ZNF804B: variants seen among roughly 807,000 people sequenced by gnomAD.
ZNF804B encodes zinc finger 804B.
Under a neutral mutation model 101.4 loss-of-function variants are expected in ZNF804B, and 80 were observed. The observed-to-expected ratio is 0.79, with a 90% CI of 0.66 to 0.95. ZNF804B has a LOEUF of 0.95. ZNF804B is among the 40% of genes least tolerant of loss of function. The pLI, the probability that ZNF804B is intolerant of heterozygous loss-of-function variation, is 0.00. For missense variants in ZNF804B, 1,673 were observed against 1,561.9 expected, an observed-to-expected ratio of 1.07 and a Z score of -1.20; for synonymous variants, 622 against 558.8, an observed-to-expected ratio of 1.11 and a Z score of -1.59.
chr7:89,332,847 G>T (rs1204180131), intron 3 of ZNF804B, among the ~76,000 whole-genome samples: 9 of 151,720 alleles, frequency 5.9e-5, no homozygotes, highest in Non-Finnish European at 1.3e-4. Context: ...CATAAAGAAA[G>T]AACTTACCAC....
At chr7:89,027,618 CCT>C (rs1170061994) in intron 1 of ZNF804B, among the ~76,000 whole-genome samples, 1 of 152,088 alleles carries the variant, frequency 6.6e-6, no homozygotes. Context: ...TCTCGCTCTC[CCT>C]CTCTCATTAT....
chr7:89,318,706 G>A (rs1412716343), intron 2 of ZNF804B, among the ~76,000 whole-genome samples: 1 of 152,162 alleles, frequency 6.6e-6, no homozygotes, highest in Non-Finnish European at 1.5e-5. Context: ...AGGTTGCAGT[G>A]ACCTGAGATG....
At chr7:89,023,789 T>C (rs1488565929) in intron 1 of ZNF804B, among the ~76,000 whole-genome samples, 2 of 152,220 alleles carry the variant, frequency 1.3e-5, no homozygotes, top group Non-Finnish European at 2.9e-5. Flanking sequence ...CTATTTTAGC[T>C]GCTCTTTCCT....
At chr7:89,148,340 A>G (rs12672675) in intron 1 of ZNF804B, among the ~76,000 whole-genome samples, 18,796 of 152,064 alleles carry the variant, frequency 0.12, 1,414 homozygotes, top group South Asian at 0.24. Context: ...TACTAGTGAA[A>G]GTGTTTGCAG....
chr7:89,094,575 T>C (rs1789942683), intron 1 of ZNF804B, among the ~76,000 whole-genome samples: 1 of 152,274 alleles, frequency 6.6e-6, no homozygotes, highest in Admixed American at 6.5e-5. Context: ...TTTTAATACG[T>C]TAGTCGCTGA....
chr7:88,773,418 A>T (rs1413223759), intron 1 of ZNF804B, among the ~76,000 whole-genome samples: 3 of 146,680 alleles, frequency 2.0e-5, no homozygotes, highest in African/African-American at 2.6e-5. Flanking sequence ...TCATTCTGTC[A>T]GTCAGTCAAT....
At chr7:88,923,148 TTG>T (rs1792749316) in intron 1 of ZNF804B, among the ~76,000 whole-genome samples, 1 of 152,044 alleles carries the variant, frequency 6.6e-6, no homozygotes, top group Non-Finnish European at 1.5e-5. Context: ...TGGTATGGCA[TTG>T]TGTGTGACGT....
chr7:89,282,364 T>A (rs1034849978), intron 2 of ZNF804B, among the ~76,000 whole-genome samples: 1 of 152,048 alleles, frequency 6.6e-6, no homozygotes, highest in Non-Finnish European at 1.5e-5. Context: ...GGCTAATTAC[T>A]ACCTAAGACA....
intron 1 of ZNF804B, among the ~76,000 whole-genome samples, chr7:88,838,391 A>G (rs1253952698): frequency 6.6e-6 from 1 of 151,916 alleles, no homozygotes; most frequent in Non-Finnish European, 1.5e-5. Context: ...TTATTCTGCT[A>G]AGTGTTTTGT....
In ZNF804B at chr7:89,075,020, T is replaced by C. The variant is rs575373518; in HGVS notation, c.109-143135T>C. ...GATTTAGGGTATCTGGCAGAAAAAATTTCTAAGCAGCAAAGCATTCAATAG... is the reference window on the plus strand; with the variant it reads ...GATTTAGGGTATCTGGCAGAAAAAACTTCTAAGCAGCAAAGCATTCAATAG... On this transcript the variant is annotated intron_variant, in intron 1 of 3. Coordinates refer to ENST00000333190, the MANE Select transcript of ZNF804B (RefSeq NM_181646.5). Among the ~76,000 whole-genome samples the C allele has an allele frequency of 6.6e-5, 10 of 152,140 alleles. No homozygotes were observed. The East Asian group carries it at 1.2e-3, about 18-fold the overall frequency.
intron 1 of ZNF804B, among the ~76,000 whole-genome samples, chr7:89,065,379 T>C (rs1320412694): frequency 6.6e-6 from 1 of 152,178 alleles, no homozygotes; most frequent in Non-Finnish European, 1.5e-5. Context: ...AAAGTAATTC[T>C]CACCCTATCT....
At position 89,335,682 on chromosome 7, in the gene ZNF804B, A is replaced by G. The variant is rs771678381; in HGVS notation, c.2700A>G (p.Leu900=). 2.5e-6 allele frequency: 4 copies of G among 1,614,072 alleles called. No homozygotes were observed. The highest frequency in any genetic ancestry group is 2.2e-5 in the East Asian group (1 of 44,862). ...ACTCCGGGAATATCAGCTGCCTTCTAAAGAACTGTTCCAGTGGCCCTTCAG... is the reference window on the plus strand; with the variant it reads ...ACTCCGGGAATATCAGCTGCCTTCTGAAGAACTGTTCCAGTGGCCCTTCAG... ...KCNSGNISCL[L]KNCSSGPSET... is the part of the protein sequence containing the mutation. Residue 900 remains leucine (L), a synonymous_variant, in exon 4 of 4, where the codon CTA becomes CTG. Transcript: ENST00000333190.
chr7:89,012,459 T>C (rs1788480147), intron 1 of ZNF804B, among the ~76,000 whole-genome samples: 1 of 152,160 alleles, frequency 6.6e-6, no homozygotes, highest in South Asian at 2.1e-4. Context: ...AGTTTTATGC[T>C]CTGCTTTCCT....
At chr7:88,790,374 T>A (rs1468091891) in intron 1 of ZNF804B, among the ~76,000 whole-genome samples, 1 of 152,002 alleles carries the variant, frequency 6.6e-6, no homozygotes, top group African/African-American at 2.4e-5. Flanking sequence ...TCCCATCCCT[T>A]AGGTATCAAG....
intron 1 of ZNF804B, among the ~76,000 whole-genome samples, chr7:89,135,568 A>AT (rs1790619075): frequency 6.6e-6 from 1 of 151,850 alleles, no homozygotes; most frequent in African/African-American, 2.4e-5. Flanking sequence ...TAGGTTGTAA[A>AT]TTTTTTTAAC....
At chr7:88,859,219 T>G (rs968606121) in intron 1 of ZNF804B, among the ~76,000 whole-genome samples, 3 of 151,884 alleles carry the variant, frequency 2.0e-5, no homozygotes, top group African/African-American at 7.3e-5. Flanking sequence ...GTGTGTGCTG[T>G]TTCTGTATGG....
chr7:88,922,761 G>A lies in ZNF804B; in HGVS notation c.108+162677G>A, dbSNP rs532661040. 1.6e-4 allele frequency among the ~76,000 whole-genome samples: 25 copies of A among 151,992 alleles called. No individual in the cohort carries two copies. In the East Asian group the frequency reaches 2.9e-3, roughly 18 times the overall value. The stretch of plus-strand genomic sequence containing the variant: ...TTTGATTTTCATAATAGTAATTTAT[G>A]AAATTAATTAAAAAGGCCAACATGA... On this transcript the variant is annotated intron_variant, in intron 1 of 3. Coordinates refer to ENST00000333190, the MANE Select transcript of ZNF804B (RefSeq NM_181646.5).
At chr7:89,227,244 C>A (rs538923875) in intron 2 of ZNF804B, among the ~76,000 whole-genome samples, 1 of 152,072 alleles carries the variant, frequency 6.6e-6, no homozygotes, top group African/African-American at 2.4e-5. Flanking sequence ...TTTATTCTAC[C>A]CTCGCAGTTG....
chr7:89,202,703 G>C (rs990786463), intron 1 of ZNF804B, among the ~76,000 whole-genome samples: 1 of 152,072 alleles, frequency 6.6e-6, no homozygotes, highest in Admixed American at 6.6e-5. Context: ...TGAATTAATT[G>C]CTCTGCCATT....
Sources: allele counts gnomAD v4.1 joint callset (sites outside exome capture counted in the v4.1 genomes callset), GRCh38; gene constraint gnomAD v4.1.1; transcripts MANE v1.5; gene names NCBI Gene and HGNC (gene_info 2026-07-23, HGNC 2026-07-21).